DPP10: variants seen among roughly 807,000 people sequenced by gnomAD.
The protein encoded by DPP10 is inactive dipeptidyl peptidase 10.
DPP10 carries 33 observed loss-of-function variants against 120.9 expected under a neutral mutation model. The observed-to-expected ratio is 0.27, with a 90% CI of 0.21 to 0.37. DPP10 has a LOEUF of 0.37. DPP10 is among the 10% of genes least tolerant of loss of function. DPP10 has a pLI of 1.00. For synonymous variants in DPP10, 337 were observed against 326.1 expected, an observed-to-expected ratio of 1.03 and a Z score of -0.36; for missense variants, 816 against 942.8, an observed-to-expected ratio of 0.87 and a Z score of 1.76.
At chr2:115,003,781 T>G (rs531772252) in intron 1 of DPP10, among the ~76,000 whole-genome samples, 12 of 152,146 alleles carry the variant, frequency 7.9e-5, no homozygotes, top group Non-Finnish European at 1.6e-4. Flanking sequence ...TGAATAAGCT[T>G]AAATTGTAAA....
intron 11 of DPP10, among the ~76,000 whole-genome samples, chr2:115,754,919 T>A (rs1679207085): frequency 6.6e-6 from 1 of 152,120 alleles, no homozygotes; most frequent in Non-Finnish European, 1.5e-5. Flanking sequence ...CCAAAATATG[T>A]ATGATTATTA....
chr2:115,543,610 C>G (rs1316051849), intron 5 of DPP10, among the ~76,000 whole-genome samples: 2 of 151,806 alleles, frequency 1.3e-5, no homozygotes, highest in Non-Finnish European at 2.9e-5. Context: ...CGCATATAAA[C>G]TCTTTAAAGG....
intron 1 of DPP10, among the ~76,000 whole-genome samples, chr2:114,645,902 C>A (rs1696082485): frequency 6.6e-6 from 1 of 152,124 alleles, no homozygotes; most frequent in African/African-American, 2.4e-5. Flanking sequence ...ATGGCTCATG[C>A]CTGTAATCTC....
intron 1 of DPP10, among the ~76,000 whole-genome samples, chr2:115,106,759 C>A (rs989291491): frequency 1.3e-5 from 2 of 152,044 alleles, no homozygotes; most frequent in African/African-American, 4.8e-5. Context: ...CTGCACCCAG[C>A]CTGATGTGTA....
rs549626381 is a variant in DPP10, at chr2:115,381,165, T to A, written c.271+37253T>A. Among the ~76,000 whole-genome samples, 4 of 152,336 alleles carry A rather than the reference T, an allele frequency of 2.6e-5. No individual in the cohort carries two copies. The East Asian group carries it at 7.7e-4, about 29-fold the overall frequency. Reference sequence around the variant, plus strand: ...CAGAGTATTTTCCAACTTGGTTCCATTCTCCCCGTCACTTTCACGTACACC... The same window carrying A: ...CAGAGTATTTTCCAACTTGGTTCCAATCTCCCCGTCACTTTCACGTACACC... On this transcript the variant is annotated intron_variant, in intron 3 of 25. Transcript: ENST00000410059.
chr2:115,187,019 CTTTTTTTTTTTTTTTTT>C (rs147014349), intron 1 of DPP10, among the ~76,000 whole-genome samples: 726 of 63,176 alleles, frequency 0.011, 14 homozygotes, highest in African/African-American at 0.02. Flanking sequence ...TGCAAAGATT[CTTTTTTTTTTTTTTTTT>C]TTTTTTTTTT....
chr2:115,644,743 A>G (rs1030556221), intron 5 of DPP10, among the ~76,000 whole-genome samples: 1 of 152,100 alleles, frequency 6.6e-6, no homozygotes, highest in African/African-American at 2.4e-5. Context: ...TGATTGAGCC[A>G]CTGCACTCCA....
At chr2:114,846,199 G>A (rs1688534386) in intron 1 of DPP10, among the ~76,000 whole-genome samples, 1 of 152,030 alleles carries the variant, frequency 6.6e-6, no homozygotes, top group South Asian at 2.1e-4. Context: ...TATAGTATAT[G>A]TGTACCTTGC....
At chr2:114,860,423 T>C (rs1057135902) in intron 1 of DPP10, among the ~76,000 whole-genome samples, 4 of 152,218 alleles carry the variant, frequency 2.6e-5, no homozygotes, top group African/African-American at 9.6e-5. Flanking sequence ...ATAAACGCCT[T>C]TTCCAAGGCC....
intron 3 of DPP10, among the ~76,000 whole-genome samples, chr2:115,367,352 C>T (rs1360600828): frequency 1.3e-5 from 2 of 151,854 alleles, no homozygotes; most frequent in East Asian, 1.9e-4. Flanking sequence ...ATATAGGTCA[C>T]GGATGTTCTT....
chr2:114,850,422 T>C (rs1688865219), intron 1 of DPP10, among the ~76,000 whole-genome samples: 1 of 152,168 alleles, frequency 6.6e-6, no homozygotes, highest in Admixed American at 6.5e-5. Context: ...AAAAATCCCT[T>C]GTATGTGAAT....
intron 1 of DPP10, among the ~76,000 whole-genome samples, chr2:115,216,811 C>CTA (rs1399872478): frequency 4.0e-5 from 6 of 151,344 alleles, no homozygotes; most frequent in Admixed American, 6.6e-5. Flanking sequence ...AAAAGCTAAG[C>CTA]TATATATATG....
intron 1 of DPP10, among the ~76,000 whole-genome samples, chr2:114,522,702 C>T (rs891263620): frequency 6.6e-6 from 1 of 152,108 alleles, no homozygotes; most frequent in Non-Finnish European, 1.5e-5. Flanking sequence ...AAAGACATAA[C>T]AGACTGGGCA....
intron 1 of DPP10, among the ~76,000 whole-genome samples, chr2:114,876,991 T>A (rs750951889): frequency 5.8e-4 from 88 of 151,916 alleles, no homozygotes; most frequent in Non-Finnish European, 1.1e-3. Flanking sequence ...ATTCTAAGTT[T>A]TAAAAAATGT....
At chr2:115,550,116 AG>A (rs1214636945) in intron 5 of DPP10, among the ~76,000 whole-genome samples, 1 of 152,196 alleles carries the variant, frequency 6.6e-6, no homozygotes, top group African/African-American at 2.4e-5. Flanking sequence ...AAATGCTATA[AG>A]AAAATGAAAG....
chr2:114,740,690 A>G (rs1677960460), intron 1 of DPP10, among the ~76,000 whole-genome samples: 1 of 152,130 alleles, frequency 6.6e-6, no homozygotes, highest in Non-Finnish European at 1.5e-5. Flanking sequence ...AGTGCCTGCA[A>G]CCAACTAACC....
chr2:115,082,775 C>A (rs1573542296), intron 1 of DPP10, among the ~76,000 whole-genome samples: 1 of 152,290 alleles, frequency 6.6e-6, no homozygotes, highest in East Asian at 1.9e-4. Flanking sequence ...CTGAGAGGAA[C>A]CAGTGTGGCC....
At chr2:114,984,029 A>C (rs995464900) in intron 1 of DPP10, among the ~76,000 whole-genome samples, 2 of 152,196 alleles carry the variant, frequency 1.3e-5, no homozygotes, top group Admixed American at 6.5e-5. Context: ...ATCAAGTGAC[A>C]TATAAGGCTG....
At chr2:114,772,949 T>G (rs1470523387) in intron 1 of DPP10, among the ~76,000 whole-genome samples, 1 of 152,212 alleles carries the variant, frequency 6.6e-6, no homozygotes, top group Non-Finnish European at 1.5e-5. Context: ...TTCTTTAGCC[T>G]ATTGTAGTTT....
Sources: gnomAD v4.1 joint callset for allele counts (sites outside exome capture counted in the v4.1 genomes callset) on GRCh38, gnomAD v4.1.1 for gene constraint, MANE v1.5 for transcripts, NCBI Gene and HGNC (gene_info 2026-07-23, HGNC 2026-07-21) for gene names.